Variants in CUX1 observed in about 807,000 individuals in gnomAD.
CUX1 encodes cut like homeobox 1, also known as protein CASP.
CUX1 carries 31 observed loss-of-function variants against 158.8 expected under a neutral mutation model. The observed-to-expected ratio is 0.20, with a 90% CI of 0.15 to 0.26. The LOEUF (loss-of-function observed/expected upper bound fraction) is 0.26. CUX1 is among the 10% of genes least tolerant of loss of function. CUX1 has a pLI of 1.00. For synonymous variants in CUX1, 879 were observed against 862.1 expected (o/e 1.02, Z -0.34); for missense variants, 1,589 against 2,014.6 (o/e 0.79, Z 4.04).
chr7:101,949,998 C>T (rs1428301586), intron 2 of CUX1, among the ~76,000 whole-genome samples: 2 of 152,026 alleles, frequency 1.3e-5, no homozygotes, highest in African/African-American at 4.8e-5. Context: ...CCACAGGATC[C>T]GACAGTTCCA....
chr7:101,996,967 G>A (rs1261411833), intron 2 of CUX1, among the ~76,000 whole-genome samples: 1 of 151,114 alleles, frequency 6.6e-6, no homozygotes, highest in African/African-American at 2.5e-5. Flanking sequence ...TCTGGGAATC[G>A]CTCCCCTGCG....
chr7:101,915,433 A>G (rs1804076110), intron 1 of CUX1, among the ~76,000 whole-genome samples: 1 of 152,164 alleles, frequency 6.6e-6, no homozygotes. Flanking sequence ...AAGTAATGTG[A>G]TTTGAGAATA....
intron 2 of CUX1, among the ~76,000 whole-genome samples, chr7:102,023,076 G>A (rs1255550139): frequency 6.6e-6 from 1 of 152,098 alleles, no homozygotes; most frequent in South Asian, 2.1e-4. Flanking sequence ...TTAGCAGGGC[G>A]GGGTGGCTCG....
intron 8 of CUX1, among the ~76,000 whole-genome samples, chr7:102,132,320 C>CGCGT (rs1833368378): frequency 3.0e-3 from 1 of 328 alleles, no homozygotes; most frequent in Admixed American, 0.17. Flanking sequence ...CGCGCGCGCG[C>CGCGT]GCGCACGCCA....
Position 102,254,320 on chromosome 7 carries a change from G to T in CUX1, c.*5278G>T. 1.0e-6 allele frequency: 1 copy of T among 985,514 alleles called. No homozygotes were observed. Among genetic ancestry groups the T allele is most frequent in the Non-Finnish European group, 1.2e-6 (1 of 830,028 alleles). 61.0% of individuals were successfully genotyped at this position (985,514 alleles called of 1,614,324 possible). On this transcript the variant is annotated 3_prime_UTR_variant, in exon 24 of 24. Transcript: ENST00000292535. ...CCCAAAGTTCCCAGCTGGCTTTGGG[G>T]AACACTGTAGCTCTTGGGTGTCTCT...
Position 102,184,621 on chromosome 7 carries a change from G to C in CUX1, c.1018-5192G>C, listed in dbSNP as rs10251137. Among the ~76,000 whole-genome samples the C allele has an allele frequency of 8.5e-3, 1,287 of 152,280 alleles. 10 individuals are homozygous for C. Among genetic ancestry groups the C allele is most frequent in the African/African-American group, 0.03 (1,231 of 41,554 alleles). Reference sequence around the variant, plus strand: ...TCTTACCTGTCTGTGTAAAGCCCACGTGTGTTCCTTAGATTCATGCATTTT... The same window carrying C: ...TCTTACCTGTCTGTGTAAAGCCCACCTGTGTTCCTTAGATTCATGCATTTT... On this transcript the variant is annotated intron_variant, in intron 11 of 23. Coordinates refer to ENST00000292535, the MANE Select transcript of CUX1 (RefSeq NM_181552.4).
rs1554541380 is a variant in CUX1, at chr7:102,254,537, G to A, written c.*5495G>A. 2.0e-6 allele frequency: 2 copies of A among 985,400 alleles called. No homozygotes were observed. The highest frequency in any genetic ancestry group is 1.7e-5 in the African/African-American group (1 of 57,244). The allele number at this position is 985,400 out of a possible 1,614,324, so 61.0% of individuals were successfully genotyped here. A position where few individuals can be genotyped will look rare whatever the true frequency, so the allele number is the denominator to read the frequency against. ...AAATCAGCTCCTGGGGCTGGTGGTT[G>A]GAGGTGGGTCTGTCCACTGTGGGGG... On this transcript the variant is annotated 3_prime_UTR_variant, in exon 24 of 24. Coordinates refer to ENST00000292535, the MANE Select transcript of CUX1 (RefSeq NM_181552.4).
chr7:101,913,223 G>A (rs1020468490), intron 1 of CUX1: 12 of 386,308 alleles, frequency 3.1e-5, no homozygotes, highest in Admixed American at 8.2e-5. Context: ...AATCTGGGGC[G>A]GCGGCAGCTC....
chr7:101,984,696 T>C (rs1348911984), intron 2 of CUX1, among the ~76,000 whole-genome samples: 1 of 151,922 alleles, frequency 6.6e-6, no homozygotes, highest in East Asian at 1.9e-4. Context: ...TAGATGTCAG[T>C]GAAAAATGCT....
intron 2 of CUX1, among the ~76,000 whole-genome samples, chr7:102,013,125 C>CAAAAAA (rs35020263): frequency 8.9e-6 from 1 of 112,598 alleles, no homozygotes. Context: ...GCCGTCATAC[C>CAAAAAA]AAAAAAAAAA....
chr7:102,269,343 C>G (rs185544568), intron 14 of CUX1, among the ~76,000 whole-genome samples: 1,786 of 152,236 alleles, frequency 0.012, 17 homozygotes, highest in Non-Finnish European at 0.018. Context: ...CCCCTGCCCC[C>G]TCACGCAAAT....
rs1454968951 is a variant in CUX1, at chr7:102,252,406, TC to T, written c.*3365del. 2.0e-6 allele frequency: 2 copies of T among 985,450 alleles called. No individual in the cohort carries two copies. The highest frequency in any genetic ancestry group is 2.3e-4 in the East Asian group (2 of 8,820). 61.0% of individuals were successfully genotyped at this position (985,450 alleles called of 1,614,324 possible). On this transcript the variant is annotated 3_prime_UTR_variant, in exon 24 of 24. Coordinates refer to ENST00000292535, the MANE Select transcript of CUX1 (RefSeq NM_181552.4). Reference sequence around the variant, plus strand: ...CAGCCGACCCCCTTCCTCTTCACGCTCTATGAGTTTAAAAAGCTGATTTGTA... The same window carrying T: ...CAGCCGACCCCCTTCCTCTTCACGCTTATGAGTTTAAAAAGCTGATTTGTA...
intron 1 of CUX1, among the ~76,000 whole-genome samples, chr7:101,846,976 T>C (rs558197387): frequency 6.6e-6 from 1 of 151,742 alleles, no homozygotes; most frequent in Non-Finnish European, 1.5e-5. Flanking sequence ...TACAAAAAAA[T>C]TTAAAAAATT....
chr7:102,066,199 T>A (rs1388143574), intron 3 of CUX1, among the ~76,000 whole-genome samples: 3 of 151,836 alleles, frequency 2.0e-5, no homozygotes, highest in Admixed American at 1.3e-4. Context: ...CCTGGTCATC[T>A]TCTTCTTTGT....
chr7:102,087,816 T>G (rs1351747319), intron 4 of CUX1, among the ~76,000 whole-genome samples: 1 of 152,196 alleles, frequency 6.6e-6, no homozygotes, highest in Non-Finnish European at 1.5e-5. Context: ...TATAATATTT[T>G]ATTTTTACTC....
At chr7:101,882,572 T>C (rs185604408) in intron 1 of CUX1, among the ~76,000 whole-genome samples, 3 of 152,352 alleles carry the variant, frequency 2.0e-5, no homozygotes, top group Admixed American at 2.0e-4. Flanking sequence ...TTGGTCTTCA[T>C]TCAGGCTAGC....
chr7:101,993,989 G>A (rs993860263), intron 2 of CUX1, among the ~76,000 whole-genome samples: 3 of 152,122 alleles, frequency 2.0e-5, no homozygotes, highest in African/African-American at 4.8e-5. Flanking sequence ...TGCTGCAGAC[G>A]TAGCACTCCC....
chr7:102,135,555 TTGTGTGTGTGTGTGTTTGTG>T lies in CUX1; in HGVS notation c.674+20296_674+20315del, dbSNP rs533082926. 4.0e-3 allele frequency among the ~76,000 whole-genome samples: 564 copies of T among 140,958 alleles called. 3 individuals are homozygous for T. Among genetic ancestry groups the T allele is most frequent in the Middle Eastern group, 7.6e-3 (2 of 264 alleles). The allele number at this position is 140,958 out of a possible 152,430, so 92.5% of individuals were successfully genotyped here. ...TTCAGACCCATATTTGAGGGTCAAC[TTGTGTGTGTGTGTGTTTGTG>T]TGTGTGTGTGTGTATGTACACACAC... On this transcript the variant is annotated intron_variant, in intron 8 of 23. Transcript: ENST00000292535.
At chr7:102,115,322 A>C in intron 8 of CUX1, 49 bp downstream of exon 8, 1 of 1,556,738 alleles carries the variant, frequency 6.4e-7, no homozygotes, top group Non-Finnish European at 8.7e-7. Flanking sequence ...TTCTCACCTG[A>C]TTTTGCTTGA....
Sources: gnomAD v4.1 joint callset for allele counts (sites outside exome capture counted in the v4.1 genomes callset) on GRCh38, gnomAD v4.1.1 for gene constraint, MANE v1.5 for transcripts, NCBI Gene and HGNC (gene_info 2026-07-23, HGNC 2026-07-21) for gene names.